Variants in RNF32 observed in about 807,000 individuals in gnomAD.
RNF32 encodes ring finger protein 32.
A neutral mutation model predicts 41.0 loss-of-function variants in RNF32; 36 were observed. The ratio of observed to expected loss-of-function variants is 0.88; its 90% CI spans 0.67 to 1.16. RNF32 has a LOEUF of 1.16. RNF32 is among the 50% of genes most tolerant of loss of function. RNF32 has a pLI of 0.00. For missense variants in RNF32, 413 were observed against 436.7 expected, an observed-to-expected ratio of 0.95 and a Z score of 0.48; for synonymous variants, 154 against 160.9, an observed-to-expected ratio of 0.96 and a Z score of 0.32.
chr7:156,661,391 C>T (rs888128726), intron 7 of RNF32, among the ~76,000 whole-genome samples: 1 of 151,162 alleles, frequency 6.6e-6, no homozygotes, highest in African/African-American at 2.4e-5. Flanking sequence ...ACGATCTTGG[C>T]TCACTGCAAC....
At chr7:156,644,865 C>A (rs1797790160) in intron 3 of RNF32, 108 bp downstream of exon 3, 2 of 1,180,182 alleles carry the variant, frequency 1.7e-6, no homozygotes, top group African/African-American at 1.6e-5. Context: ...TATAATTATA[C>A]AGAGAGGTGT....
At chr7:156,645,085 G>C (rs1797818909) in intron 3 of RNF32, among the ~76,000 whole-genome samples, 1 of 152,108 alleles carries the variant, frequency 6.6e-6, no homozygotes, top group Non-Finnish European at 1.5e-5. Context: ...TAACTCATAA[G>C]GATAGTAGAC....
chr7:156,654,346 T>C (rs968735711), intron 3 of RNF32: 8 of 429,852 alleles, frequency 1.9e-5, no homozygotes, highest in Admixed American at 1.1e-4. Flanking sequence ...AGGATATGCA[T>C]GGGTTGTATG....
At position 156,658,548 on chromosome 7, in the gene RNF32, GA is replaced by G; in HGVS notation, c.669del (p.Lys223AsnfsTer35). On this transcript the variant is annotated frameshift_variant, in exon 7 of 9. Transcript: ENST00000317955. LOFTEE classifies it high-confidence loss of function. Reference protein sequence around the residue: ...KTVPPTDAKLRKKFFEKKFTE... With the variant: ...KTVPPTDAKLXKKFFEKKFTE... ...GTACCTCCCACAGATGCCAAGTTAA[GA>G]AAAAAATTCTTTGAAAAAAAGGTAG... 6.2e-7 allele frequency: 1 copy of G among 1,612,052 alleles called. No individual in the cohort carries two copies. Among genetic ancestry groups the G allele is most frequent in the Non-Finnish European group, 8.5e-7 (1 of 1,178,246 alleles).
At chr7:156,655,809 CTG>C (rs201518411) in intron 4 of RNF32, among the ~76,000 whole-genome samples, 1,911 of 152,068 alleles carry the variant, frequency 0.013, 17 homozygotes, top group Non-Finnish European at 0.02. Context: ...TGTAGCAAAA[CTG>C]TGAATAAAGC....
chr7:156,669,460 G>A lies in RNF32; in HGVS notation c.685-6236G>A, dbSNP rs945461600. Among the ~76,000 whole-genome samples the A allele has an allele frequency of 5.9e-5, 9 of 152,136 alleles. No individual in the cohort carries two copies. Among genetic ancestry groups the A allele is most frequent in the East Asian group, 1.9e-4 (1 of 5,186 alleles). Reference sequence around the variant, plus strand: ...TGAACCCAAATGGAGGAACCGTGCCGTTCCCTGGAACCTCTGTCCAGGCAG... The same window carrying A: ...TGAACCCAAATGGAGGAACCGTGCCATTCCCTGGAACCTCTGTCCAGGCAG... On this transcript the variant is annotated intron_variant, in intron 7 of 8. Coordinates refer to ENST00000317955, the MANE Select transcript of RNF32 (RefSeq NM_030936.4). This position sits in a 1 kb window ranked among gnomAD's most constrained non-coding sequence, Gnocchi z 4.2.
At chr7:156,676,241 G>C (rs1296389610) in intron 8 of RNF32, 178 bp from the exon 9 acceptor site, 4 of 1,492,768 alleles carry the variant, frequency 2.7e-6, no homozygotes, top group Non-Finnish European at 3.6e-6. Flanking sequence ...GAGTATATGT[G>C]TGTGTATATA....
intron 3 of RNF32, among the ~76,000 whole-genome samples, chr7:156,647,558 A>C (rs1798134237): frequency 6.6e-6 from 1 of 152,114 alleles, no homozygotes; most frequent in Non-Finnish European, 1.5e-5. Flanking sequence ...TATATATACC[A>C]CATTTTCTTT....
chr7:156,659,662 A>G lies in RNF32; in HGVS notation c.684+1092A>G, dbSNP rs1039925645. On this transcript the variant is annotated intron_variant, in intron 7 of 8. Coordinates refer to ENST00000317955, the MANE Select transcript of RNF32 (RefSeq NM_030936.4). ...TCATGTGCACACATCATTTTATAAG[A>G]ACTCTTGAAGATAAAGGCCCACTGA... 3.6e-5 allele frequency: 33 copies of G among 924,038 alleles called. No individual in the cohort carries two copies. In the South Asian group the frequency reaches 1.4e-3, roughly 39 times the overall value. The allele number at this position is 924,038 out of a possible 1,614,324, so 57.2% of individuals were successfully genotyped here. A position where few individuals can be genotyped will look rare whatever the true frequency, so the allele number is the denominator to read the frequency against.
intron 3 of RNF32, among the ~76,000 whole-genome samples, chr7:156,651,074 G>A (rs1798652030): frequency 6.6e-6 from 1 of 152,088 alleles, no homozygotes; most frequent in Admixed American, 6.5e-5. Context: ...GAAGATCCAT[G>A]GGCATAGTTT....
intron 2 of RNF32, 68 bp from the exon 3 acceptor site, chr7:156,644,431 C>G: frequency 8.0e-7 from 1 of 1,246,840 alleles, no homozygotes; most frequent in Non-Finnish European, 1.2e-6. Context: ...GTATTGAAGC[C>G]TCAGTTCTCT....
intron 4 of RNF32, among the ~76,000 whole-genome samples, chr7:156,656,201 A>G (rs2131471794): frequency 6.6e-6 from 1 of 152,370 alleles, no homozygotes; most frequent in South Asian, 2.1e-4. Flanking sequence ...GACTCATAGT[A>G]GGCCGACGCA....
chr7:156,675,680 C>G lies in RNF32; in HGVS notation c.685-16C>G, dbSNP rs371776822. 1.3e-6 allele frequency: 2 copies of G among 1,599,072 alleles called. No homozygotes were observed. The highest frequency in any genetic ancestry group is 1.7e-5 in the Admixed American group (1 of 59,932). Reference sequence around the variant, plus strand: ...GAGCTCAGGTGTGAGCTTACCCGCCCCCGCCTCCTCCTCAGTTCACAGAAA... The same window carrying G: ...GAGCTCAGGTGTGAGCTTACCCGCCGCCGCCTCCTCCTCAGTTCACAGAAA... On this transcript the variant is annotated splice_polypyrimidine_tract_variant and intron_variant, in intron 7 of 8. Transcript: ENST00000317955.
At chr7:156,672,948 T>C (rs936144759) in intron 7 of RNF32, among the ~76,000 whole-genome samples, 2 of 152,232 alleles carry the variant, frequency 1.3e-5, no homozygotes, top group African/African-American at 4.8e-5. Context: ...TGGAGGGCTG[T>C]AAAGCATATC....
chr7:156,674,034 C>A (rs183111258), intron 7 of RNF32, among the ~76,000 whole-genome samples: 1 of 152,170 alleles, frequency 6.6e-6, no homozygotes. Context: ...GAGATCTCCA[C>A]GGGACTTGTT....
intron 3 of RNF32, among the ~76,000 whole-genome samples, chr7:156,649,681 G>T (rs1372296519): frequency 6.6e-6 from 1 of 152,098 alleles, no homozygotes; most frequent in Non-Finnish European, 1.5e-5. Flanking sequence ...CGTGTTTGTT[G>T]TGGGTTTTCT....
At chr7:156,662,847 CTTT>C (rs55909570) in intron 7 of RNF32, among the ~76,000 whole-genome samples, 9 of 130,416 alleles carry the variant, frequency 6.9e-5, no homozygotes, top group African/African-American at 5.6e-5. Context: ...AACAGCCATT[CTTT>C]TTTTTTTTTT....
chr7:156,672,815 T>C (rs965162043), intron 7 of RNF32, among the ~76,000 whole-genome samples: 11 of 152,200 alleles, frequency 7.2e-5, no homozygotes, highest in African/African-American at 2.4e-4. Context: ...ATGCTTGGAG[T>C]TGGGAGGTGA....
chr7:156,668,725 TAAAGGAACCAG>T (rs1801791596), intron 7 of RNF32, among the ~76,000 whole-genome samples: 1 of 152,194 alleles, frequency 6.6e-6, no homozygotes, highest in East Asian at 1.9e-4. Flanking sequence ...AGCTCTCTGT[TAAAGGAACCAG>T]TGTTTGTCAT....
Sources: gnomAD v4.1 joint callset for allele counts (sites outside exome capture counted in the v4.1 genomes callset) on GRCh38, gnomAD v4.1.1 for gene constraint, Gnocchi (gnomAD v3.1) non-coding constraint, MANE v1.5 for transcripts, NCBI Gene and HGNC (gene_info 2026-07-23, HGNC 2026-07-21) for gene names.